ACYP1: variants seen among roughly 807,000 people sequenced by gnomAD.
ACYP1 encodes acylphosphatase-1.
In ACYP1, 8 loss-of-function variants were observed where a neutral mutation model predicts 10.4. That is an observed-to-expected ratio of 0.77 (90% CI 0.45 to 1.38). The LOEUF (loss-of-function observed/expected upper bound fraction) is 1.38, where lower values mean the gene tolerates loss of function less well. Ranked by LOEUF, ACYP1 falls within the 40% of genes most tolerant of loss-of-function variation. The probability of loss-of-function intolerance (pLI) is 0.00; values close to 1 mark genes in which losing one functional copy is unlikely to be tolerated. For synonymous variants in ACYP1, 38 were observed against 40.8 expected (o/e 0.93, Z 0.26); for missense variants, 93 against 117.3 (o/e 0.79, Z 0.96).
intron 2 of ACYP1, among the ~76,000 whole-genome samples, chr14:75,062,428 G>T (rs899612262): frequency 2.6e-5 from 4 of 151,644 alleles, no homozygotes; most frequent in African/African-American, 9.7e-5. Flanking sequence ...AGGGAAAGAG[G>T]TATTGACAAT....
chr14:75,058,203 C>A (rs910100094), intron 2 of ACYP1, among the ~76,000 whole-genome samples: 3 of 150,752 alleles, frequency 2.0e-5, no homozygotes, highest in Admixed American at 6.6e-5. Flanking sequence ...AATCCCAGCA[C>A]TTTGGGAGGC....
chr14:75,063,549 G>A lies in ACYP1; in HGVS notation c.5C>T (p.Ala2Val). The A allele has an allele frequency of 6.2e-7, 1 of 1,613,238 alleles. No individual in the cohort carries two copies. Among genetic ancestry groups the A allele is most frequent in the Non-Finnish European group, 8.5e-7 (1 of 1,179,662 alleles). ...CACTGATATCAGGGTGTTTCCTTCT[G>A]CCATGCTCAAACCTGTCAGAAACCA... M[A>V]EGNTLISVDY... Residue 2 changes from alanine (A) to valine (V), a missense_variant, in exon 2 of 3, where the codon GCA becomes GTA. Transcript: ENST00000238618.
At chr14:75,066,976 A>G (rs175502), upstream of ACYP1, among the ~76,000 whole-genome samples, 75,697 of 151,974 alleles carry the variant, frequency 0.5, 19,392 homozygotes, top group Middle Eastern at 0.57. Flanking sequence ...AGATTTGAGA[A>G]TGGGAGAGGA....
chr14:75,068,320 A>T (rs1050768075), upstream of ACYP1, among the ~76,000 whole-genome samples: 6 of 152,286 alleles, frequency 3.9e-5, no homozygotes, highest in East Asian at 1.9e-4. Context: ...AAACAACTTT[A>T]AAAAACCCCA....
Position 75,053,278 on chromosome 14 carries a change from A to T in ACYP1, c.*166T>A. ...ACGTTTTTATTGATTAGATTTGTGT[A>T]CAGTGGTAATCCTTCCATCATACAG... On this transcript the variant is annotated 3_prime_UTR_variant, in exon 3 of 3. Transcript: ENST00000238618. 1 of 646,644 alleles carries T rather than the reference A, an allele frequency of 1.5e-6. No individual in the cohort carries two copies. 40.1% of individuals were successfully genotyped at this position (646,644 alleles called of 1,614,324 possible).
At chr14:75,066,908 C>T (rs1479894144), upstream of ACYP1, among the ~76,000 whole-genome samples, 1 of 152,038 alleles carries the variant, frequency 6.6e-6, no homozygotes, top group African/African-American at 2.4e-5. Context: ...GAAGAGGCAA[C>T]AAAGAGGGAA....
At chr14:75,063,321 C>A in intron 2 of ACYP1, 149 bp downstream of exon 2, 1 of 645,516 alleles carries the variant, frequency 1.5e-6, no homozygotes, top group Non-Finnish European at 2.8e-6. Context: ...GATTGCACAG[C>A]ATTTTCATAC....
At chr14:75,057,811 A>G (rs1284623201) in intron 2 of ACYP1, among the ~76,000 whole-genome samples, 1 of 150,296 alleles carries the variant, frequency 6.7e-6, no homozygotes, top group Non-Finnish European at 1.5e-5. Context: ...TTAAAAATAC[A>G]AAAATTAGCC....
intron 2 of ACYP1, chr14:75,060,099 C>T (rs1892980721): frequency 2.0e-6 from 1 of 497,286 alleles, no homozygotes; most frequent in Admixed American, 3.8e-5. Context: ...ACAATAATTT[C>T]TATGTTATAT....
At chr14:75,058,797 A>T (rs904224153) in intron 2 of ACYP1, among the ~76,000 whole-genome samples, 1 of 152,216 alleles carries the variant, frequency 6.6e-6, no homozygotes, top group African/African-American at 2.4e-5. Context: ...ACAACTGGAT[A>T]TTCATATGCA....
upstream of ACYP1, among the ~76,000 whole-genome samples, chr14:75,065,036 T>C (rs376466003): frequency 3.9e-5 from 6 of 152,338 alleles, no homozygotes; most frequent in African/African-American, 1.4e-4. Flanking sequence ...GGCTCCAGAA[T>C]TACAGTTGAG....
rs367764844 is a variant in ACYP1 at position 75,053,322 on chromosome 14, C to A, written c.*122G>T. 18 of 877,716 alleles carry A rather than the reference C, an allele frequency of 2.1e-5. No individual in the cohort carries two copies. Among genetic ancestry groups the A allele is most frequent in the East Asian group, 1.5e-4 (6 of 40,604 alleles). 54.4% of individuals were successfully genotyped at this position (877,716 alleles called of 1,614,324 possible). A position where few individuals can be genotyped will look rare whatever the true frequency, so the allele number is the denominator to read the frequency against. Reference sequence around the variant, plus strand: ...CATACAGGTAATATATAATAACATTCAAAAATCTGACATTAAAATAACTTA... The same window carrying A: ...CATACAGGTAATATATAATAACATTAAAAAATCTGACATTAAAATAACTTA... On this transcript the variant is annotated 3_prime_UTR_variant, in exon 3 of 3. Coordinates refer to ENST00000238618, the MANE Select transcript of ACYP1 (RefSeq NM_001107.5).
chr14:75,064,172 A>C, upstream of ACYP1: 2 of 302,382 alleles, frequency 6.6e-6, no homozygotes, highest in Non-Finnish European at 9.7e-6. Context: ...GGCAACCCAA[A>C]AGCTTTGGGT....
Position 75,069,124 on chromosome 14 carries a change from G to A in ACYP1, c.82+86C>T, listed in dbSNP as rs558709418. The A allele has an allele frequency of 1.2e-4, 152 of 1,296,700 alleles. 2 individuals carry two copies. The South Asian group carries it at 2.0e-3, about 17-fold the overall frequency. The allele number at this position is 1,296,700 out of a possible 1,614,324, so 80.3% of individuals were successfully genotyped here. A position where few individuals can be genotyped will look rare whatever the true frequency, so the allele number is the denominator to read the frequency against. On this transcript the variant is annotated intron_variant, in intron 1 of 2. Transcript: ENST00000555463. ...TTAGATTGGCCACAAAAACTACCAC[G>A]GAAAGATACTGCGTAGCAAAAACGT... is the stretch of plus-strand genomic sequence containing the variant.
chr14:75,064,479 A>G (rs1230581590), upstream of ACYP1: 1 of 152,222 alleles, frequency 6.6e-6, no homozygotes, highest in African/African-American at 2.4e-5. Context: ...ATAGCTTGTA[A>G]TCTCAGCACT....
At position 75,063,013 on chromosome 14, in the gene ACYP1, G is replaced by A. The variant is rs140462222; in HGVS notation, c.84+457C>T. Reference sequence around the variant, plus strand: ...CCAAAAAAGAATAGAAAGAAATTAAGTGGAGAACTGAGGGAAGCTTGGAGA... The same window carrying A: ...CCAAAAAAGAATAGAAAGAAATTAAATGGAGAACTGAGGGAAGCTTGGAGA... On this transcript the variant is annotated intron_variant, in intron 2 of 2. Coordinates refer to ENST00000238618, the MANE Select transcript of ACYP1 (RefSeq NM_001107.5). 356 of 154,906 alleles carry A rather than the reference G, an allele frequency of 2.3e-3. 1 individual carries two copies. Among genetic ancestry groups the A allele is most frequent in the African/African-American group, 7.9e-3 (327 of 41,626 alleles). 9.6% of individuals were successfully genotyped at this position (154,906 alleles called of 1,614,324 possible). A position where few individuals can be genotyped will look rare whatever the true frequency, so the allele number is the denominator to read the frequency against.
chr14:75,067,013 T>G (rs374151664), upstream of ACYP1, among the ~76,000 whole-genome samples: 1 of 152,280 alleles, frequency 6.6e-6, no homozygotes, highest in East Asian at 1.9e-4. Context: ...CTTACAGAAT[T>G]TGAGGTTCCT....
Position 75,069,349 on chromosome 14 carries a change from G to T in ACYP1, c.-58C>A, listed in dbSNP as rs531035622. The stretch of plus-strand genomic sequence containing the variant: ...GGCCTCCGCCCTTTGCCAGACAAGG[G>T]CACACCCCAAGGTCTGGGAGCGTCG... On this transcript the variant is annotated 5_prime_UTR_variant, in exon 1 of 3. Coordinates refer to the ACYP1 transcript ENST00000555463. The T allele has an allele frequency of 4.6e-6, 6 of 1,309,160 alleles. No individual in the cohort carries two copies. The East Asian group carries it at 1.8e-4, about 39-fold the overall frequency. The allele number at this position is 1,309,160 out of a possible 1,614,324, so 81.1% of individuals were successfully genotyped here.
intron 2 of ACYP1, among the ~76,000 whole-genome samples, chr14:75,054,539 TTAAAG>T (rs1370585433): frequency 6.6e-6 from 1 of 151,648 alleles, no homozygotes; most frequent in African/African-American, 2.4e-5. Context: ...TCATTGATTG[TTAAAG>T]TAATTATCTA....
Sources: allele counts gnomAD v4.1 joint callset (sites outside exome capture counted in the v4.1 genomes callset), GRCh38; gene constraint gnomAD v4.1.1; transcripts MANE v1.5; gene names NCBI Gene and HGNC (gene_info 2026-07-23, HGNC 2026-07-21).